STON2: variants seen among roughly 807,000 people sequenced by gnomAD.
The protein encoded by STON2 is stonin-2.
Under a neutral mutation model 65.7 loss-of-function variants are expected in STON2, and 29 were observed. That is an observed-to-expected ratio of 0.44 (90% CI 0.33 to 0.60). The LOEUF is 0.60. Ranked by LOEUF, STON2 falls within the 20% of genes least tolerant of loss-of-function variation. The pLI is 0.03. For synonymous variants in STON2, 404 were observed against 414.2 expected (o/e 0.98, Z 0.30); for missense variants, 1,054 against 1,118.1 (o/e 0.94, Z 0.82).
chr14:81,263,657 G>T lies in STON2; in HGVS notation c.*4757C>A. Reference sequence around the variant, plus strand: ...GACCCAAGACAATTCTTCTTCCTATGTGGCCCAGGGAAGCCAAAAGATTGG... The same window carrying T: ...GACCCAAGACAATTCTTCTTCCTATTTGGCCCAGGGAAGCCAAAAGATTGG... On this transcript the variant is annotated 3_prime_UTR_variant, in exon 8 of 8. Transcript: ENST00000614646. 1 of 844,160 alleles carries T rather than the reference G, an allele frequency of 1.2e-6. No homozygotes were observed. The highest frequency in any genetic ancestry group is 1.4e-6 in the Non-Finnish European group (1 of 701,962). The allele number at this position is 844,160 out of a possible 1,614,324, so 52.3% of individuals were successfully genotyped here. A position where few individuals can be genotyped will look rare whatever the true frequency, so the allele number is the denominator to read the frequency against.
intron 6 of STON2, among the ~76,000 whole-genome samples, chr14:81,274,638 A>G (rs989785056): frequency 9.2e-5 from 14 of 151,992 alleles, no homozygotes; most frequent in African/African-American, 3.4e-4. Context: ...CCAAGTTGCA[A>G]AAGTACAAAA....
intron 5 of STON2, among the ~76,000 whole-genome samples, chr14:81,309,214 C>T (rs1331313965): frequency 6.6e-6 from 1 of 151,936 alleles, no homozygotes; most frequent in East Asian, 1.9e-4. Flanking sequence ...ATTAATTACA[C>T]TGGCACATGG....
intron 4 of STON2, among the ~76,000 whole-genome samples, chr14:81,335,279 G>C (rs1897330355): frequency 6.6e-6 from 1 of 152,110 alleles, no homozygotes. Context: ...GTGGTAATGG[G>C]AAGAAAATTT....
intron 5 of STON2, among the ~76,000 whole-genome samples, chr14:81,317,167 T>C (rs949013577): frequency 6.6e-6 from 1 of 152,172 alleles, no homozygotes; most frequent in Non-Finnish European, 1.5e-5. Context: ...GCATGTCACG[T>C]GGCAAGAGAA....
chr14:81,312,596 G>A (rs148675891), intron 5 of STON2, among the ~76,000 whole-genome samples: 4 of 152,264 alleles, frequency 2.6e-5, no homozygotes, highest in African/African-American at 9.6e-5. Flanking sequence ...GCAGATGAAC[G>A]TCCATCACAC....
At chr14:81,338,000 C>T (rs908133629) in intron 4 of STON2, among the ~76,000 whole-genome samples, 2 of 152,016 alleles carry the variant, frequency 1.3e-5, no homozygotes, top group African/African-American at 2.4e-5. Flanking sequence ...TGGTTTCTAC[C>T]CCAGGTTCCT....
chr14:81,350,954 T>C (rs2140315007), intron 4 of STON2, among the ~76,000 whole-genome samples: 1 of 152,320 alleles, frequency 6.6e-6, no homozygotes, highest in African/African-American at 2.4e-5. Flanking sequence ...CAATTTCTAA[T>C]GTCATTTAAA....
chr14:81,357,642 T>C (rs1442582054), intron 4 of STON2, among the ~76,000 whole-genome samples: 1 of 152,098 alleles, frequency 6.6e-6, no homozygotes, highest in Non-Finnish European at 1.5e-5. Flanking sequence ...CCAACCCAAA[T>C]GTCCAACAGT....
chr14:81,388,158 C>A (rs1411698434), intron 3 of STON2, among the ~76,000 whole-genome samples: 1 of 151,686 alleles, frequency 6.6e-6, no homozygotes, highest in Non-Finnish European at 1.5e-5. Context: ...CCATGTTGGC[C>A]AGGCTGGTCT....
intron 3 of STON2, among the ~76,000 whole-genome samples, chr14:81,394,668 G>A (rs1900230465): frequency 6.6e-6 from 1 of 152,142 alleles, no homozygotes; most frequent in South Asian, 2.1e-4. Flanking sequence ...AGGGAAAGAT[G>A]TGACTTCAGA....
intron 5 of STON2, among the ~76,000 whole-genome samples, chr14:81,284,287 G>A (rs534245503): frequency 7.9e-5 from 12 of 152,310 alleles, no homozygotes; most frequent in Middle Eastern, 3.4e-3. Flanking sequence ...TGTCAAAAGC[G>A]GAGACAGGCC....
At chr14:81,405,222 ACT>A (rs985557241), upstream of STON2, among the ~76,000 whole-genome samples, 3 of 151,132 alleles carry the variant, frequency 2.0e-5, no homozygotes, top group Non-Finnish European at 4.4e-5. Context: ...GCGTTCACTG[ACT>A]CTTTCTCTTC....
chr14:81,363,723 A>C (rs184297201), intron 4 of STON2, among the ~76,000 whole-genome samples: 1 of 152,354 alleles, frequency 6.6e-6, no homozygotes, highest in East Asian at 1.9e-4. Context: ...TAGGAGAAAG[A>C]ATTTTAAAAA....
At chr14:81,395,858 C>T in intron 3 of STON2, 36 bp downstream of exon 3, 1 of 1,609,386 alleles carries the variant, frequency 6.2e-7, no homozygotes, top group Non-Finnish European at 8.5e-7. Context: ...TCCCTGCTGA[C>T]CACAAACCCA....
chr14:81,356,964 A>G (rs940594423), intron 4 of STON2, among the ~76,000 whole-genome samples: 1 of 152,124 alleles, frequency 6.6e-6, no homozygotes, highest in African/African-American at 2.4e-5. Context: ...AACCAGCTCC[A>G]TTACCATTTC....
At chr14:81,333,416 G>GT (rs1321961925) in intron 4 of STON2, 6 of 324,222 alleles carry the variant, frequency 1.9e-5, no homozygotes, top group African/African-American at 4.5e-5. Context: ...CTTTAAATAC[G>GT]TTTTTTTCAT....
chr14:81,371,424 G>A (rs1393951426), intron 3 of STON2, among the ~76,000 whole-genome samples: 3 of 152,050 alleles, frequency 2.0e-5, no homozygotes, highest in Non-Finnish European at 4.4e-5. Flanking sequence ...GGCTGGGTGC[G>A]GTGGCTCACG....
chr14:81,312,582 C>T (rs751635829), intron 5 of STON2, among the ~76,000 whole-genome samples: 6 of 152,192 alleles, frequency 3.9e-5, no homozygotes, highest in Non-Finnish European at 8.8e-5. Flanking sequence ...GTCTTCTGTA[C>T]CTAGCAGATG....
At chr14:81,387,885 C>T (rs1415846037) in intron 3 of STON2, among the ~76,000 whole-genome samples, 2 of 142,838 alleles carry the variant, frequency 1.4e-5, no homozygotes, top group East Asian at 4.3e-4. Flanking sequence ...GAGTGAGACT[C>T]AGTCTCAAAA....
Sources: allele counts gnomAD v4.1 joint callset (sites outside exome capture counted in the v4.1 genomes callset), GRCh38; gene constraint gnomAD v4.1.1; transcripts MANE v1.5; gene names NCBI Gene and HGNC (gene_info 2026-07-23, HGNC 2026-07-21).